The following MED13L variants were observed in gnomAD, a reference collection of about 807,000 sequenced individuals.
MED13L encodes mediator complex subunit 13L.
A neutral mutation model predicts 220.9 loss-of-function variants in MED13L; 7 were observed. The observed-to-expected ratio is 0.03, with a 90% CI of 0.02 to 0.06. The LOEUF is 0.06. MED13L is among the 10% of genes least tolerant of loss of function. The pLI, the probability that MED13L is intolerant of heterozygous loss-of-function variation, is 1.00. For missense variants in MED13L, 1,965 were observed against 2,760.5 expected (o/e 0.71, Z 6.46); for synonymous variants, 1,011 against 1,015.2 (o/e 1.00, Z 0.08).
At chr12:115,963,943 T>C (rs1281176508) in intron 29 of MED13L, among the ~76,000 whole-genome samples, 2 of 151,892 alleles carry the variant, frequency 1.3e-5, no homozygotes, top group East Asian at 3.9e-4. Flanking sequence ...AAAAAATAGC[T>C]GGGCATGGTG....
At chr12:116,164,959 A>G (rs901408086) in intron 2 of MED13L, among the ~76,000 whole-genome samples, 1 of 152,192 alleles carries the variant, frequency 6.6e-6, no homozygotes, top group Non-Finnish European at 1.5e-5. Context: ...GCATAAACCA[A>G]TTAAAGATCA....
intron 7 of MED13L, among the ~76,000 whole-genome samples, chr12:116,015,553 T>G (rs758803463): frequency 7.2e-5 from 11 of 152,116 alleles, no homozygotes; most frequent in Non-Finnish European, 1.5e-4. Flanking sequence ...CACACATACA[T>G]AGGCACTCCT....
At chr12:116,121,468 C>T (rs1875088929) in intron 2 of MED13L, among the ~76,000 whole-genome samples, 1 of 151,982 alleles carries the variant, frequency 6.6e-6, no homozygotes, top group Non-Finnish European at 1.5e-5. Flanking sequence ...AAAGATATCC[C>T]TTCCAATTCC....
At chr12:116,186,662 A>G (rs987031254) in intron 2 of MED13L, among the ~76,000 whole-genome samples, 5 of 152,190 alleles carry the variant, frequency 3.3e-5, no homozygotes, top group Admixed American at 6.5e-5. Flanking sequence ...AGCTGGTACT[A>G]AAGTCCAAGC....
At chr12:116,104,425 T>C (rs1873376634) in intron 3 of MED13L, among the ~76,000 whole-genome samples, 1 of 152,210 alleles carries the variant, frequency 6.6e-6, no homozygotes, top group Non-Finnish European at 1.5e-5. Flanking sequence ...TAATTTCAAT[T>C]TTCCCCACAT....
chr12:116,200,236 C>T (rs909984281), intron 2 of MED13L, among the ~76,000 whole-genome samples: 3 of 151,924 alleles, frequency 2.0e-5, no homozygotes, highest in Non-Finnish European at 4.4e-5. Context: ...TATCGCATTT[C>T]CTTCTTACCC....
chr12:116,272,328 C>T (rs764688949), intron 1 of MED13L, among the ~76,000 whole-genome samples: 3 of 151,818 alleles, frequency 2.0e-5, no homozygotes, highest in African/African-American at 4.8e-5. Flanking sequence ...TTTGGGAGGC[C>T]GAGGCAGGCG....
At chr12:115,975,105 A>T in intron 25 of MED13L, 66 bp downstream of exon 25, 1 of 1,471,198 alleles carries the variant, frequency 6.8e-7, no homozygotes, top group Non-Finnish European at 9.5e-7. Flanking sequence ...CCCTTAGCTC[A>T]GTTAATGACA....
At position 115,961,050 on chromosome 12, in the gene MED13L, T is replaced by C. The variant is rs1875724896; in HGVS notation, c.*216A>G. On this transcript the variant is annotated 3_prime_UTR_variant, in exon 31 of 31. Transcript: ENST00000281928. ...CGCACTGGCTGAAAGTCACCACTTA[T>C]GGAAGTTTCCAGGTCCATGAGAGAA... is the stretch of plus-strand genomic sequence containing the variant. 4 of 645,310 alleles carry C rather than the reference T, an allele frequency of 6.2e-6. No individual in the cohort carries two copies. The highest frequency in any genetic ancestry group is 4.1e-4 in the Middle Eastern group (1 of 2,442). The allele number at this position is 645,310 out of a possible 1,614,324, so 40.0% of individuals were successfully genotyped here.
At chr12:116,103,973 T>TCAC (rs1404939447) in intron 3 of MED13L, among the ~76,000 whole-genome samples, 3 of 148,232 alleles carry the variant, frequency 2.0e-5, no homozygotes, top group African/African-American at 7.4e-5. Context: ...TGAAATCCCT[T>TCAC]CACCACCACA....
chr12:116,120,463 TCTCTCTCTCTCTCTCA>T (rs1332968140), intron 2 of MED13L, among the ~76,000 whole-genome samples: 45 of 139,018 alleles, frequency 3.2e-4, no homozygotes, highest in South Asian at 1.2e-3. Context: ...TCTCTCTCTC[TCTCTCTCTCTCTCTCA>T]CACACACACA....
intron 1 of MED13L, among the ~76,000 whole-genome samples, chr12:116,240,170 C>G (rs1870488927): frequency 6.6e-6 from 1 of 151,600 alleles, no homozygotes; most frequent in South Asian, 2.1e-4. Context: ...TGGAGTGCAG[C>G]AGTGCAACAC....
chr12:116,230,944 C>T (rs1309608474), intron 2 of MED13L, among the ~76,000 whole-genome samples: 1 of 152,166 alleles, frequency 6.6e-6, no homozygotes, highest in Non-Finnish European at 1.5e-5. Flanking sequence ...AATGTCAACA[C>T]TTCTCTTTTT....
intron 2 of MED13L, among the ~76,000 whole-genome samples, chr12:116,211,186 G>A (rs191438727): frequency 2.6e-5 from 4 of 152,088 alleles, no homozygotes; most frequent in East Asian, 1.9e-4. Context: ...GTGGCCTTTC[G>A]GACCTTTCCA....
chr12:116,204,899 A>G (rs1263645225), intron 2 of MED13L, among the ~76,000 whole-genome samples: 1 of 152,244 alleles, frequency 6.6e-6, no homozygotes, highest in Non-Finnish European at 1.5e-5. Context: ...TGGCTAATAT[A>G]AAAGAAGAAT....
At chr12:116,027,481 C>T (rs766240453) in intron 4 of MED13L, among the ~76,000 whole-genome samples, 10 of 152,058 alleles carry the variant, frequency 6.6e-5, no homozygotes, top group Non-Finnish European at 1.5e-4. Flanking sequence ...GGGAATGAAA[C>T]GGCATGACTA....
At chr12:116,268,237 C>A (rs925540343) in intron 1 of MED13L, among the ~76,000 whole-genome samples, 1 of 152,152 alleles carries the variant, frequency 6.6e-6, no homozygotes, top group African/African-American at 2.4e-5. Context: ...AACATTTGAA[C>A]TTCTTAAGTA....
At chr12:116,064,352 T>G (rs1409492936) in intron 4 of MED13L, among the ~76,000 whole-genome samples, 1 of 152,226 alleles carries the variant, frequency 6.6e-6, no homozygotes, top group Non-Finnish European at 1.5e-5. Flanking sequence ...ATACTCAGAC[T>G]TAGCCAACCG....
In MED13L at chr12:115,997,305, C is replaced by T; in HGVS notation, c.2570-75G>A. On this transcript the variant is annotated intron_variant, in intron 14 of 30. Transcript: ENST00000281928. ...AAGTCCTAGCTTATAGCCAGGCGCA[C>T]TCTTTGGCACCAAAAATAGTGCTAA... is the stretch of plus-strand genomic sequence containing the variant. The T allele has an allele frequency of 2.5e-6, 3 of 1,182,524 alleles. No individual in the cohort carries two copies. In the South Asian group the frequency reaches 3.8e-5, roughly 15 times the overall value. 73.3% of individuals were successfully genotyped at this position (1,182,524 alleles called of 1,614,324 possible). A position where few individuals can be genotyped will look rare whatever the true frequency, so the allele number is the denominator to read the frequency against.
Sources: allele counts gnomAD v4.1 joint callset (sites outside exome capture counted in the v4.1 genomes callset), GRCh38; gene constraint gnomAD v4.1.1; transcripts MANE v1.5; gene names NCBI Gene and HGNC (gene_info 2026-07-23, HGNC 2026-07-21).